RNASET2: variants seen among roughly 807,000 people sequenced by gnomAD.
The protein encoded by RNASET2 is ribonuclease T2.
A neutral mutation model predicts 33.9 loss-of-function variants in RNASET2; 28 were observed. The ratio of observed to expected loss-of-function variants is 0.83; its 90% confidence interval spans 0.61 to 1.13. The LOEUF is 1.13. Among genes scored for constraint, RNASET2 ranks in the 50% most tolerant of loss-of-function variants. The probability of loss-of-function intolerance (pLI) is 0.00; values close to 1 mark genes in which losing one functional copy is unlikely to be tolerated. For missense variants in RNASET2, 330 were observed against 319.9 expected (o/e 1.03, Z -0.24); for synonymous variants, 123 against 121.0 (o/e 1.02, Z -0.11).
intron 1 of RNASET2, chr6:166,955,513 C>G (rs753626962): frequency 4.9e-5 from 48 of 986,266 alleles, no homozygotes; most frequent in Non-Finnish European, 5.7e-5. Context: ...GCAGTGAAAG[C>G]TGAAATTAAG....
chr6:166,929,510 T>G lies in RNASET2; in HGVS notation c.*78A>C. The G allele has an allele frequency of 7.0e-7, 1 of 1,426,708 alleles. No individual in the cohort carries two copies. The highest frequency in any genetic ancestry group is 9.9e-7 in the Non-Finnish European group (1 of 1,010,234). The allele number at this position is 1,426,708 out of a possible 1,614,324, so 88.4% of individuals were successfully genotyped here. Reference sequence around the variant, plus strand: ...AACAGCAAAATAAACAGACTTCACTTTGGAGTTGTTTTTTAGAAAGCTGCA... The same window carrying G: ...AACAGCAAAATAAACAGACTTCACTGTGGAGTTGTTTTTTAGAAAGCTGCA... On this transcript the variant is annotated 3_prime_UTR_variant, in exon 9 of 9. Coordinates refer to ENST00000508775, the MANE Select transcript of RNASET2 (RefSeq NM_003730.6).
chr6:166,955,159 T>C (rs1779076717), intron 1 of RNASET2, among the ~76,000 whole-genome samples: 1 of 147,848 alleles, frequency 6.8e-6, no homozygotes, highest in African/African-American at 2.5e-5. Flanking sequence ...TTACCCCTAA[T>C]TAATTTGGGC....
intron 4 of RNASET2, chr6:166,945,098 C>T (rs1404600775): frequency 5.9e-6 from 1 of 168,274 alleles, no homozygotes; most frequent in Non-Finnish European, 1.3e-5. Context: ...GTCAGCCCTG[C>T]CCTCACCCAT....
chr6:166,939,184 A>T (rs992312805), intron 5 of RNASET2, among the ~76,000 whole-genome samples, 176 bp from the exon 6 acceptor site: 1 of 152,200 alleles, frequency 6.6e-6, no homozygotes, highest in African/African-American at 2.4e-5. Flanking sequence ...ATACAAAAAA[A>T]TTAGCCGAGT....
rs568749397 is a variant in RNASET2, at chr6:166,925,903, C to T, written c.*3685G>A. Among the ~76,000 whole-genome samples, 17 of 152,294 alleles carry T rather than the reference C, an allele frequency of 1.1e-4. No homozygotes were observed. Among genetic ancestry groups the T allele is most frequent in the African/African-American group, 4.1e-4 (17 of 41,562 alleles). On this transcript the variant is annotated 3_prime_UTR_variant, in exon 9 of 9. Transcript: ENST00000508775. ...GGGGAGTGGGTGGAGGCACTGCCAA[C>T]AGGGCAGGAGGGATTGAGGGAATGT...
At chr6:166,937,730 C>A (rs1778602177) in intron 6 of RNASET2, among the ~76,000 whole-genome samples, 1 of 152,166 alleles carries the variant, frequency 6.6e-6, no homozygotes, top group South Asian at 2.1e-4. Flanking sequence ...AGGTTAGATA[C>A]ACAAATTGTA....
At chr6:166,955,257 GCA>G (rs145765601) in intron 1 of RNASET2, among the ~76,000 whole-genome samples, 6,263 of 91,970 alleles carry the variant, frequency 0.068, 542 homozygotes, top group Middle Eastern at 0.19. Context: ...ACGCACACAC[GCA>G]CACACACACA....
chr6:166,933,623 T>G lies in RNASET2; in HGVS notation c.492+468A>C. 5.3e-6 allele frequency: 1 copy of G among 190,032 alleles called. No homozygotes were observed. The highest frequency in any genetic ancestry group is 1.1e-5 in the Non-Finnish European group (1 of 91,530). The allele number at this position is 190,032 out of a possible 1,614,324, so 11.8% of individuals were successfully genotyped here. A position where few individuals can be genotyped will look rare whatever the true frequency, so the allele number is the denominator to read the frequency against. On this transcript the variant is annotated intron_variant, in intron 7 of 8. Transcript: ENST00000508775. This position sits in a 1 kb window ranked among gnomAD's most constrained non-coding sequence, Gnocchi z 4.1. Reference sequence around the variant, plus strand: ...GCCTGAGCCTCCCAAGGTCCTGGGATTTATAGGCGTGAGTCACCACACCTG... The same window carrying G: ...GCCTGAGCCTCCCAAGGTCCTGGGAGTTATAGGCGTGAGTCACCACACCTG...
chr6:166,927,324 A>G lies in RNASET2; in HGVS notation c.*2264T>C, dbSNP rs867982582. Among the ~76,000 whole-genome samples, 2 of 152,256 alleles carry G rather than the reference A, an allele frequency of 1.3e-5. No homozygotes were observed. The highest frequency in any genetic ancestry group is 3.4e-3 in the Middle Eastern group (1 of 294). On this transcript the variant is annotated 3_prime_UTR_variant, in exon 9 of 9. Coordinates refer to ENST00000508775, the MANE Select transcript of RNASET2 (RefSeq NM_003730.6). ...GCTCTAGGCCAAAATAGGAATATTA[A>G]GAGAGCCAAGCATTTGCTTGTGCTC... is the stretch of plus-strand genomic sequence containing the variant.
chr6:166,954,892 G>T (rs1034328233), intron 1 of RNASET2, among the ~76,000 whole-genome samples: 1 of 152,160 alleles, frequency 6.6e-6, no homozygotes, highest in African/African-American at 2.4e-5. Context: ...CTCAGAGGCT[G>T]AGGCAGGAGA....
intron 2 of RNASET2, among the ~76,000 whole-genome samples, chr6:166,948,957 G>A (rs767281992): frequency 1.3e-5 from 2 of 152,168 alleles, no homozygotes; most frequent in South Asian, 4.1e-4. Context: ...ACTAATGCCT[G>A]TAATCCCAGC....
intron 4 of RNASET2, chr6:166,943,765 T>C (rs186017607): frequency 7.9e-5 from 37 of 470,386 alleles, no homozygotes; most frequent in Non-Finnish European, 1.5e-4. Flanking sequence ...TTGGGAGAGT[T>C]GAGGGGGAAG....
rs373504059 is a variant in RNASET2 at position 166,956,433 on chromosome 6, C to A, written c.-251G>T. On this transcript the variant is annotated 5_prime_UTR_variant, in exon 1 of 9. The change creates a new upstream start codon in the 5' untranslated region. Transcript: ENST00000508775. Reference sequence around the variant, plus strand: ...GCGACCCGGGCCCCTCGGAGCTCCCCTTCAGGATCGTGCACCAAGCGCGCA... The same window carrying A: ...GCGACCCGGGCCCCTCGGAGCTCCCATTCAGGATCGTGCACCAAGCGCGCA... 15 of 551,222 alleles carry A rather than the reference C, an allele frequency of 2.7e-5. No homozygotes were observed. The highest frequency in any genetic ancestry group is 1.2e-4 in the African/African-American group (6 of 50,560). The allele number at this position is 551,222 out of a possible 1,614,324, so 34.1% of individuals were successfully genotyped here. A position where few individuals can be genotyped will look rare whatever the true frequency, so the allele number is the denominator to read the frequency against.
chr6:166,935,734 G>A (rs1562495576), intron 6 of RNASET2, among the ~76,000 whole-genome samples: 1 of 152,200 alleles, frequency 6.6e-6, no homozygotes, highest in East Asian at 1.9e-4. Flanking sequence ...CTGGACTGCA[G>A]TGGTGCGATC....
At chr6:166,936,434 AAG>A (rs1452835994) in intron 6 of RNASET2, among the ~76,000 whole-genome samples, 2 of 152,178 alleles carry the variant, frequency 1.3e-5, no homozygotes, top group Admixed American at 6.5e-5. Context: ...TATTTAAAAA[AAG>A]AGGTTTTTTT....
chr6:166,946,994 G>T, intron 3 of RNASET2: 1 of 526,978 alleles, frequency 1.9e-6, no homozygotes, highest in Non-Finnish European at 3.4e-6. Context: ...CCACTGCTTA[G>T]TAAAGGAAGT....
rs1222077778 is a variant in RNASET2, at chr6:166,923,597, C to G, written c.*5991G>C. 6.6e-6 allele frequency among the ~76,000 whole-genome samples: 1 copy of G among 151,706 alleles called. No individual in the cohort carries two copies. The highest frequency in any genetic ancestry group is 2.4e-5 in the African/African-American group (1 of 41,208). On this transcript the variant is annotated 3_prime_UTR_variant, in exon 9 of 9. Transcript: ENST00000508775. ...TTTTTTGTCTAAAATAAATGGAAGG[C>G]CCATTACAGTCACTCAGAAAAAAAA...
chr6:166,939,138 A>G lies in RNASET2; in HGVS notation c.333-130T>C. 4.1e-6 allele frequency: 3 copies of G among 733,744 alleles called. No homozygotes were observed. The South Asian group carries it at 4.2e-5, about 10-fold the overall frequency. The allele number at this position is 733,744 out of a possible 1,614,324, so 45.5% of individuals were successfully genotyped here. A position where few individuals can be genotyped will look rare whatever the true frequency, so the allele number is the denominator to read the frequency against. ...CACCTGAGATCAGGAGTTTGAGACC[A>G]GCCTGACCAACATGGTGAAACTGTC... On this transcript the variant is annotated intron_variant, in intron 5 of 8. Transcript: ENST00000508775.
intron 1 of RNASET2, among the ~76,000 whole-genome samples, chr6:166,955,155 CTAAT>C (rs762943295): frequency 1.3e-5 from 2 of 150,994 alleles, no homozygotes; most frequent in East Asian, 1.9e-4. Context: ...CTGTTTACCC[CTAAT>C]TAATTTGGGC....
Sources: gnomAD v4.1 joint callset for allele counts (sites outside exome capture counted in the v4.1 genomes callset) on GRCh38, gnomAD v4.1.1 for gene constraint, Gnocchi (gnomAD v3.1) non-coding constraint, MANE v1.5 for transcripts, NCBI Gene and HGNC (gene_info 2026-07-23, HGNC 2026-07-21) for gene names.